Variants in SLC2A9 observed in about 807,000 individuals in gnomAD.
SLC2A9 encodes solute carrier family 2 member 9, also known as solute carrier family 2, facilitated glucose transporter member 9.
SLC2A9 carries 39 observed loss-of-function variants against 50.6 expected under a neutral mutation model. The ratio of observed to expected loss-of-function variants is 0.77; its 90% CI spans 0.60 to 1.01. The LOEUF (loss-of-function observed/expected upper bound fraction) is 1.01. SLC2A9 is among the 50% of genes least tolerant of loss of function. The pLI, the probability that SLC2A9 is intolerant of heterozygous loss-of-function variation, is 0.00. For missense variants in SLC2A9, 686 were observed against 677.6 expected, an observed-to-expected ratio of 1.01 and a Z score of -0.14; for synonymous variants, 324 against 276.9, an observed-to-expected ratio of 1.17 and a Z score of -1.69.
At chr4:9,877,459 T>C (rs1202666691) in intron 10 of SLC2A9, among the ~76,000 whole-genome samples, 1 of 152,210 alleles carries the variant, frequency 6.6e-6, no homozygotes, top group Non-Finnish European at 1.5e-5. Context: ...TCTTTTGAGA[T>C]CATGGATTCA....
chr4:9,993,621 C>G (rs1758088820), intron 3 of SLC2A9, among the ~76,000 whole-genome samples: 1 of 151,984 alleles, frequency 6.6e-6, no homozygotes, highest in Non-Finnish European at 1.5e-5. Context: ...GGGCCCGTAG[C>G]TAGTGTTTGT....
At position 9,969,201 on chromosome 4, in the gene SLC2A9, C is replaced by G. The variant is rs750529309; in HGVS notation, c.681+11391G>C. Among the ~76,000 whole-genome samples, 24 of 152,002 alleles carry G rather than the reference C, an allele frequency of 1.6e-4. 1 individual carries two copies. The highest frequency in any genetic ancestry group is 2.8e-4 in the Non-Finnish European group (19 of 67,986). ...TATCAAATGCTAAGTGATACTAGAT[C>G]TTCTTTCAGTTACATTTATGGATAT... On this transcript the variant is annotated intron_variant, in intron 5 of 11. Coordinates refer to ENST00000264784, the MANE Select transcript of SLC2A9 (RefSeq NM_020041.3).
intron 2 of SLC2A9, among the ~76,000 whole-genome samples, chr4:10,002,019 G>A (rs1759920043): frequency 6.6e-6 from 1 of 152,224 alleles, no homozygotes; most frequent in African/African-American, 2.4e-5. Context: ...GCTAAGACAT[G>A]GGGCTGAGGA....
At chr4:9,992,552 G>A (rs1010516274) in intron 3 of SLC2A9, among the ~76,000 whole-genome samples, 11 of 152,186 alleles carry the variant, frequency 7.2e-5, no homozygotes, top group African/African-American at 2.7e-4. Context: ...CCTCGCTCAA[G>A]TCAAAGAGAT....
chr4:9,970,517 G>C (rs981529558), intron 5 of SLC2A9, among the ~76,000 whole-genome samples: 1 of 152,144 alleles, frequency 6.6e-6, no homozygotes, highest in Non-Finnish European at 1.5e-5. Flanking sequence ...CTGTCTGGGT[G>C]GGGAAAGCTT....
At chr4:10,039,332 A>C (rs1469997131) in intron 1 of SLC2A9, among the ~76,000 whole-genome samples, 2 of 152,206 alleles carry the variant, frequency 1.3e-5, no homozygotes, top group Non-Finnish European at 2.9e-5. Flanking sequence ...GAGGGAATGA[A>C]TGAATGTCCA....
intron 9 of SLC2A9, among the ~76,000 whole-genome samples, chr4:9,889,209 T>C (rs904883453): frequency 4.7e-5 from 1 of 21,222 alleles, no homozygotes; most frequent in Non-Finnish European, 1.1e-4. Context: ...CAAGGCCTCC[T>C]GAGTCCAGAG....
intron 10 of SLC2A9, among the ~76,000 whole-genome samples, chr4:9,877,579 G>A (rs1560225219): frequency 6.6e-6 from 1 of 152,324 alleles, no homozygotes; most frequent in African/African-American, 2.4e-5. Flanking sequence ...CCTGCCTCCT[G>A]TAAATCCAGT....
chr4:10,003,687 A>C (rs1560471887), intron 2 of SLC2A9, among the ~76,000 whole-genome samples: 1 of 152,230 alleles, frequency 6.6e-6, no homozygotes, highest in Non-Finnish European at 1.5e-5. Context: ...CAGAGAATTC[A>C]CTGCACTAAC....
intron 3 of SLC2A9, among the ~76,000 whole-genome samples, chr4:9,996,211 G>A (rs1363848760): frequency 6.6e-6 from 1 of 152,242 alleles, no homozygotes; most frequent in Non-Finnish European, 1.5e-5. Context: ...CTCAGTCAGG[G>A]AGTGTGGCTA....
chr4:9,845,574 C>T (rs1314630191), intron 10 of SLC2A9, among the ~76,000 whole-genome samples: 1 of 150,474 alleles, frequency 6.6e-6, no homozygotes, highest in East Asian at 2.0e-4. Flanking sequence ...GGACTACAGG[C>T]GCCCGCTACC....
intron 10 of SLC2A9, among the ~76,000 whole-genome samples, chr4:9,884,108 G>GT (rs1440651994): frequency 6.6e-6 from 1 of 152,218 alleles, no homozygotes; most frequent in Non-Finnish European, 1.5e-5. Context: ...GGTTCTATGA[G>GT]TGAGACATGG....
At chr4:9,936,267 C>T (rs1747062046) in intron 6 of SLC2A9, among the ~76,000 whole-genome samples, 2 of 152,120 alleles carry the variant, frequency 1.3e-5, no homozygotes, top group South Asian at 4.2e-4. Flanking sequence ...CTCTGATATC[C>T]ATGATCTGAT....
chr4:10,018,701 G>C (rs1486477546), intron 2 of SLC2A9, among the ~76,000 whole-genome samples: 1 of 151,790 alleles, frequency 6.6e-6, no homozygotes, highest in Non-Finnish European at 1.5e-5. Context: ...CCCCACCCCG[G>C]GACTTCCGAA....
downstream of SLC2A9, among the ~76,000 whole-genome samples, chr4:9,824,167 G>A (rs1341094255): frequency 1.3e-5 from 2 of 152,084 alleles, no homozygotes; most frequent in Non-Finnish European, 2.9e-5. Flanking sequence ...GTTTTATAAA[G>A]AGAAGAGAGA....
intron 11 of SLC2A9, among the ~76,000 whole-genome samples, chr4:9,833,805 G>A (rs998336285): frequency 3.9e-5 from 6 of 152,290 alleles, no homozygotes; most frequent in South Asian, 2.1e-4. Flanking sequence ...GAGAATGGGT[G>A]GTGATGTATA....
In SLC2A9 at chr4:9,941,902, A is replaced by C; in HGVS notation, c.814+11T>G. 1 of 1,613,942 alleles carries C rather than the reference A, an allele frequency of 6.2e-7. No homozygotes were observed. Among genetic ancestry groups the C allele is most frequent in the African/African-American group, 1.3e-5 (1 of 75,068 alleles). On this transcript the variant is annotated intron_variant, in intron 6 of 11. Transcript: ENST00000264784. The stretch of plus-strand genomic sequence containing the variant: ...GGGCTGGAGCTGTGCAGGAAAGGGA[A>C]GGGCCCTCACCTTTCACAGCTCTTG...
intron 2 of SLC2A9, among the ~76,000 whole-genome samples, chr4:10,018,394 T>C (rs923318643): frequency 6.6e-6 from 1 of 151,988 alleles, no homozygotes; most frequent in Non-Finnish European, 1.5e-5. Flanking sequence ...ATACAAAAAT[T>C]AGTCGGGTGT....
intron 10 of SLC2A9, among the ~76,000 whole-genome samples, chr4:9,852,064 G>A (rs1033419482): frequency 2.0e-5 from 3 of 152,140 alleles, no homozygotes; most frequent in Admixed American, 6.5e-5. Context: ...TACTATATAA[G>A]ATGAACATCC....
Sources: gnomAD v4.1 joint callset for allele counts (sites outside exome capture counted in the v4.1 genomes callset) on GRCh38, gnomAD v4.1.1 for gene constraint, MANE v1.5 for transcripts, NCBI Gene and HGNC (gene_info 2026-07-23, HGNC 2026-07-21) for gene names.